ANOS1: variants seen among roughly 807,000 people sequenced by gnomAD.
ANOS1 encodes anosmin 1.
ANOS1 carries 6 observed loss-of-function variants against 59.0 expected under a neutral mutation model. The observed-to-expected ratio is 0.10, with a 90% CI of 0.06 to 0.20. ANOS1 has a LOEUF of 0.20. ANOS1 is among the 10% of genes least tolerant of loss of function. ANOS1 has a pLI of 1.00. For missense variants in ANOS1, 433 were observed against 542.3 expected, an observed-to-expected ratio of 0.80 and a Z score of 2.00; for synonymous variants, 217 against 223.4, an observed-to-expected ratio of 0.97 and a Z score of 0.25.
intron 6 of ANOS1, among the ~76,000 whole-genome samples, chrX:8,573,492 C>CTA (rs1930268721): frequency 9.0e-6 from 1 of 111,532 alleles, no homozygotes; most frequent in African/African-American, 3.3e-5. Context: ...CTCTTCTCAT[C>CTA]TACACTCACT....
intron 2 of ANOS1, among the ~76,000 whole-genome samples, chrX:8,667,501 A>G (rs1451038226): frequency 9.0e-6 from 1 of 111,388 alleles, no homozygotes; most frequent in African/African-American, 3.3e-5. Flanking sequence ...TTAGACAAAA[A>G]CAGAGGAAAC....
intron 2 of ANOS1, among the ~76,000 whole-genome samples, chrX:8,678,722 C>T (rs1476019814): frequency 2.7e-5 from 3 of 111,698 alleles, no homozygotes; most frequent in Non-Finnish European, 5.6e-5. Flanking sequence ...CTGTGTATGT[C>T]GCCCATTTCA....
chrX:8,661,821 C>T (rs1458379498), intron 2 of ANOS1, among the ~76,000 whole-genome samples: 1 of 111,122 alleles, frequency 9.0e-6, no homozygotes, highest in Non-Finnish European at 1.9e-5. Context: ...AACAGCATCG[C>T]GTTTCAACTA....
intron 5 of ANOS1, among the ~76,000 whole-genome samples, chrX:8,587,005 ATAAGG>A (rs1930525738): frequency 9.1e-6 from 1 of 109,491 alleles, no homozygotes; most frequent in African/African-American, 3.3e-5. Flanking sequence ...TCTAATCAAC[ATAAGG>A]TGAGATTTTT....
At chrX:8,660,621 G>T (rs563395509) in intron 2 of ANOS1, among the ~76,000 whole-genome samples, 7 of 69,998 alleles carry the variant, frequency 1.0e-4, no homozygotes, top group African/African-American at 6.5e-4. Context: ...ATTTTAAAAA[G>T]AAAATTTTTA....
intron 1 of ANOS1, among the ~76,000 whole-genome samples, chrX:8,719,201 G>A (rs1932859242): frequency 8.9e-6 from 1 of 111,768 alleles, no homozygotes; most frequent in African/African-American, 3.3e-5. Flanking sequence ...TACAGGTTTT[G>A]GTCAACTTTC....
At chrX:8,619,497 A>G (rs990915388) in intron 3 of ANOS1, among the ~76,000 whole-genome samples, 11 of 111,179 alleles carry the variant, frequency 9.9e-5, no homozygotes, top group East Asian at 5.7e-4. Context: ...CCAGCTACTC[A>G]GGAGGCTGAG....
intron 3 of ANOS1, among the ~76,000 whole-genome samples, chrX:8,612,797 A>AT (rs1194882204): frequency 1.8e-5 from 2 of 111,919 alleles, no homozygotes; most frequent in African/African-American, 6.5e-5. Context: ...TAGGTTATAA[A>AT]TGCTACTAAA....
At chrX:8,625,082 C>G (rs1931369288) in intron 2 of ANOS1, among the ~76,000 whole-genome samples, 1 of 110,262 alleles carries the variant, frequency 9.1e-6, no homozygotes, top group South Asian at 3.9e-4. Context: ...GCACTCCAGC[C>G]TGGGTGACAG....
At chrX:8,547,967 G>A (rs1435460982) in intron 9 of ANOS1, among the ~76,000 whole-genome samples, 1 of 111,776 alleles carries the variant, frequency 8.9e-6, no homozygotes, top group Admixed American at 9.5e-5. Flanking sequence ...CGCCCGCCTT[G>A]GCCTCCCAAA....
chrX:8,715,336 C>T (rs1374830713), intron 1 of ANOS1, among the ~76,000 whole-genome samples: 3 of 111,547 alleles, frequency 2.7e-5, no homozygotes, highest in African/African-American at 6.5e-5. Context: ...TCAATCATAG[C>T]TCACTGTAGC....
In ANOS1 at chrX:8,726,526, G is replaced by T. The variant is rs183956793; in HGVS notation, c.207+5304C>A. On this transcript the variant is annotated intron_variant, in intron 1 of 13. Transcript: ENST00000262648. ...ACAGACACACATACACACACATCCC[G>T]CCTCACTTGCCCACGGACTACTACT... is the stretch of plus-strand genomic sequence containing the variant. Among the ~76,000 whole-genome samples, 467 of 111,648 alleles carry T rather than the reference G, an allele frequency of 4.2e-3. 2 individuals carry two copies. Among genetic ancestry groups the T allele is most frequent in the African/African-American group, 0.015 (447 of 30,710 alleles).
At chrX:8,722,677 C>T (rs955467686) in intron 1 of ANOS1, among the ~76,000 whole-genome samples, 1 of 111,455 alleles carries the variant, frequency 9.0e-6, no homozygotes, top group Non-Finnish European at 1.9e-5. Context: ...TTTGCAATTG[C>T]GTGTGCAAGT....
chrX:8,548,485 C>T (rs1179627716), intron 9 of ANOS1, among the ~76,000 whole-genome samples: 1 of 112,046 alleles, frequency 8.9e-6, no homozygotes, highest in Non-Finnish European at 1.9e-5. Flanking sequence ...AACTTCCTGT[C>T]ACTTCAAAGA....
At chrX:8,646,390 G>A (rs1931756921) in intron 2 of ANOS1, among the ~76,000 whole-genome samples, 1 of 111,119 alleles carries the variant, frequency 9.0e-6, no homozygotes, top group Non-Finnish European at 1.9e-5. Context: ...GGCAGATAAA[G>A]TAGGATTTTG....
intron 2 of ANOS1, among the ~76,000 whole-genome samples, chrX:8,636,814 AGT>A (rs1209141925): frequency 8.9e-6 from 1 of 112,150 alleles, no homozygotes; most frequent in Non-Finnish European, 1.9e-5. Context: ...CTAAGACATT[AGT>A]GCATCCCTGA....
intron 8 of ANOS1, among the ~76,000 whole-genome samples, chrX:8,554,482 CCT>C (rs1322636629): frequency 2.7e-5 from 3 of 109,815 alleles, no homozygotes; most frequent in African/African-American, 9.9e-5. Flanking sequence ...CCGCCAGGCC[CCT>C]GAGTTTCAAG....
At chrX:8,713,903 G>A (rs977985265) in intron 1 of ANOS1, among the ~76,000 whole-genome samples, 5 of 111,853 alleles carry the variant, frequency 4.5e-5, no homozygotes, top group African/African-American at 1.3e-4. Context: ...ATGAGCCACC[G>A]TGTCCGGCCC....
At chrX:8,695,613 C>G (rs1400447299) in intron 2 of ANOS1, among the ~76,000 whole-genome samples, 2 of 98,282 alleles carry the variant, frequency 2.0e-5, no homozygotes, top group Non-Finnish European at 4.0e-5. Flanking sequence ...AACATAAAAG[C>G]AAGAAAGAGA....
Sources: gnomAD v4.1 joint callset for allele counts (sites outside exome capture counted in the v4.1 genomes callset) on GRCh38, gnomAD v4.1.1 for gene constraint, MANE v1.5 for transcripts, NCBI Gene and HGNC (gene_info 2026-07-23, HGNC 2026-07-21) for gene names.